The following PCSK6 variants were observed in gnomAD, a reference collection of about 807,000 sequenced individuals.
PCSK6 encodes proprotein convertase subtilisin/kexin type 6, also known as paired basic amino acid cleaving enzyme 4.
In PCSK6, 85 loss-of-function variants were observed where a neutral mutation model predicts 123.3. The ratio of observed to expected loss-of-function variants is 0.69; its 90% CI spans 0.58 to 0.83. The LOEUF (loss-of-function observed/expected upper bound fraction) is 0.83, where lower values mean the gene tolerates loss of function less well. PCSK6 is among the 40% of genes least tolerant of loss of function. The probability of loss-of-function intolerance (pLI) is 0.00; values close to 1 mark genes in which losing one functional copy is unlikely to be tolerated. For missense variants in PCSK6, 1,191 were observed against 1,282.3 expected, an observed-to-expected ratio of 0.93 and a Z score of 1.09; for synonymous variants, 508 against 516.0, an observed-to-expected ratio of 0.98 and a Z score of 0.21.
intron 11 of PCSK6, among the ~76,000 whole-genome samples, chr15:101,374,774 G>A (rs565594143): frequency 2.5e-4 from 38 of 152,288 alleles, no homozygotes; most frequent in South Asian, 1.2e-3. Context: ...ACAGCAGGTC[G>A]GAGGGCACAC....
At chr15:101,393,137 G>T in intron 8 of PCSK6, 75 bp downstream of exon 8, 2 of 1,183,382 alleles carry the variant, frequency 1.7e-6, no homozygotes, top group Non-Finnish European at 2.5e-6. Flanking sequence ...ATCTTTCTGA[G>T]AAAGGGAGAA....
At chr15:101,447,849 G>GC (rs1033071327) in intron 1 of PCSK6, among the ~76,000 whole-genome samples, 18 of 149,954 alleles carry the variant, frequency 1.2e-4, no homozygotes, top group Middle Eastern at 3.4e-3. Flanking sequence ...TGCCTGAGCA[G>GC]CCCGCCTTTA....
chr15:101,362,369 G>C (rs958982340), intron 13 of PCSK6, among the ~76,000 whole-genome samples: 8 of 152,252 alleles, frequency 5.3e-5, no homozygotes, highest in African/African-American at 1.9e-4. Flanking sequence ...GGCTGCTGCA[G>C]AGCAGGTCTG....
chr15:101,357,548 G>A (rs991722176), intron 13 of PCSK6, among the ~76,000 whole-genome samples: 4 of 152,236 alleles, frequency 2.6e-5, no homozygotes, highest in Non-Finnish European at 5.9e-5. Context: ...TGCTGGGGCT[G>A]GTCCTGCCTC....
intron 2 of PCSK6, among the ~76,000 whole-genome samples, chr15:101,436,354 C>A (rs749824171): frequency 6.6e-6 from 1 of 152,216 alleles, no homozygotes; most frequent in Admixed American, 6.5e-5. Flanking sequence ...AAGTACGCAC[C>A]GGCAGGGCTG....
chr15:101,487,182 G>A (rs911957325), intron 1 of PCSK6, among the ~76,000 whole-genome samples: 2 of 152,354 alleles, frequency 1.3e-5, no homozygotes, highest in South Asian at 2.1e-4. Flanking sequence ...TTGGAATAAA[G>A]AGTAATAGGC....
intron 1 of PCSK6, 52 bp downstream of exon 1, chr15:101,489,322 G>T (rs1347302892): frequency 1.8e-6 from 2 of 1,082,460 alleles, no homozygotes; most frequent in Non-Finnish European, 2.2e-6. Context: ...CCCCTCGCGC[G>T]CGCCGGAGGC....
rs1299648075 is a variant in PCSK6 at position 101,389,557 on chromosome 15, G to A, written c.1217C>T (p.Thr406Met). ...ATCGGTACAGCGCTGACGCAGATCC[G>A]TGGTGACCTGGGGGAGAGAGAAGCA... ...GAFYERKIVT[T>M]DLRQRCTDGH... Residue 406 changes from threonine to methionine, a missense_variant, in exon 9 of 22, where the codon ACG becomes ATG. This residue lies in a region of PCSK6 where 357 missense variants were observed against 484.5 expected (regional missense o/e 0.74). Coordinates refer to ENST00000611716, the MANE Select transcript of PCSK6 (RefSeq NM_002570.5). 1.2e-6 allele frequency: 2 copies of A among 1,611,072 alleles called. No homozygotes were observed. The highest frequency in any genetic ancestry group is 1.7e-6 in the Non-Finnish European group (2 of 1,177,786).
chr15:101,353,467 G>A (rs1479934934), intron 13 of PCSK6, among the ~76,000 whole-genome samples: 2 of 152,150 alleles, frequency 1.3e-5, no homozygotes, highest in African/African-American at 4.8e-5. Context: ...GGTGGGATGG[G>A]GACCCCTGCT....
chr15:101,368,788 A>G (rs2041482571), intron 12 of PCSK6, among the ~76,000 whole-genome samples: 1 of 152,232 alleles, frequency 6.6e-6, no homozygotes, highest in African/African-American at 2.4e-5. Flanking sequence ...GGCCCAGTGC[A>G]CGCAGGAACA....
intron 2 of PCSK6, among the ~76,000 whole-genome samples, chr15:101,432,949 T>C (rs1195569030): frequency 2.0e-5 from 3 of 152,234 alleles, no homozygotes; most frequent in African/African-American, 7.2e-5. Flanking sequence ...AAAATAGTAG[T>C]AGCATCAGTT....
At chr15:101,397,618 G>A (rs575965030) in intron 7 of PCSK6, among the ~76,000 whole-genome samples, 48 of 152,140 alleles carry the variant, frequency 3.2e-4, no homozygotes, top group African/African-American at 1.0e-3. Flanking sequence ...GGACCTGTTC[G>A]GCCACCCAGG....
chr15:101,379,148 G>T (rs2041838908), intron 11 of PCSK6, among the ~76,000 whole-genome samples: 1 of 152,254 alleles, frequency 6.6e-6, no homozygotes, highest in African/African-American at 2.4e-5. Flanking sequence ...TGGGTGCACA[G>T]GAGGGACATG....
chr15:101,432,042 T>C lies in PCSK6; in HGVS notation c.461A>G (p.Asp154Gly), dbSNP rs367942535. 7.2e-5 allele frequency: 116 copies of C among 1,613,680 alleles called. No homozygotes were observed. Among genetic ancestry groups the C allele is most frequent in the Non-Finnish European group, 9.7e-5 (114 of 1,179,850 alleles). The change falls in exon 3 of 22, where the codon GAC becomes GGC. Residue 154 changes from aspartate (D) to glycine (G), a missense_variant. Coordinates refer to ENST00000611716, the MANE Select transcript of PCSK6 (RefSeq NM_002570.5). Reference sequence around the variant, plus strand: ...GTCGTTGAAGTAAAGGGCCTGCGGGTCACTTCGCACCTGTCTCTTCACCCT... The same window carrying C: ...GTCGTTGAAGTAAAGGGCCTGCGGGCCACTTCGCACCTGTCTCTTCACCCT... The part of the protein sequence containing the change: ...KRRVKRQVRS[D>G]PQALYFNDPI...
intron 11 of PCSK6, among the ~76,000 whole-genome samples, chr15:101,371,620 T>C (rs1385798385): frequency 6.6e-6 from 1 of 152,198 alleles, no homozygotes; most frequent in Non-Finnish European, 1.5e-5. Context: ...ACCCATTTAA[T>C]CCAGAGGGAA....
At chr15:101,385,218 A>G (rs1212331507) in intron 9 of PCSK6, among the ~76,000 whole-genome samples, 2 of 152,078 alleles carry the variant, frequency 1.3e-5, no homozygotes, top group African/African-American at 2.4e-5. Flanking sequence ...AGGTCTTGCT[A>G]TATTGCCCAG....
At chr15:101,419,978 G>A (rs2056026061) in intron 6 of PCSK6, among the ~76,000 whole-genome samples, 1 of 152,094 alleles carries the variant, frequency 6.6e-6, no homozygotes, top group South Asian at 2.1e-4. Flanking sequence ...CCTGAGGTCA[G>A]GAGTCCGAGA....
At position 101,384,375 on chromosome 15, in the gene PCSK6, C is replaced by T. The variant is rs373918878; in HGVS notation, c.1361G>A (p.Arg454Gln). ...DVQHLLVKTSRPAHLKASDWK... is the reference protein window; with the variant it reads ...DVQHLLVKTSQPAHLKASDWK... ...GTCGCTCGCTTTCAGGTGGGCCGGCCGGGATGTCTTCACTAGCAGGTGCTG... is the reference window on the plus strand; with the variant it reads ...GTCGCTCGCTTTCAGGTGGGCCGGCTGGGATGTCTTCACTAGCAGGTGCTG... The change falls in exon 10 of 22, where the codon CGG becomes CAG. Residue 454 changes from arginine (R) to glutamine (Q), a missense_variant. Arg to Gln is a conservative substitution (Grantham distance 43). Transcript: ENST00000611716. 2.7e-5 allele frequency: 43 copies of T among 1,613,836 alleles called. No individual in the cohort carries two copies. Among genetic ancestry groups the T allele is most frequent in the African/African-American group, 4.0e-5 (3 of 75,020 alleles).
In PCSK6 at chr15:101,482,354, G is replaced by A. The variant is rs7177258; in HGVS notation, c.297+7020C>T. 9.1e-3 allele frequency among the ~76,000 whole-genome samples: 1,381 copies of A among 152,280 alleles called. 17 individuals carry two copies. Among genetic ancestry groups the A allele is most frequent in the African/African-American group, 0.031 (1,305 of 41,566 alleles). On this transcript the variant is annotated intron_variant, in intron 1 of 21. Coordinates refer to ENST00000611716, the MANE Select transcript of PCSK6 (RefSeq NM_002570.5). ...GGGAGCAAGACCAGGGCTTCTGGTC[G>A]GTGGCAAGGCCAAGACCCAGTCCCA...
Sources: gnomAD v4.1 joint callset for allele counts (sites outside exome capture counted in the v4.1 genomes callset) on GRCh38, gnomAD v4.1.1 for gene constraint, gnomAD v4.1.1 regional missense constraint, MANE v1.5 for transcripts, NCBI Gene and HGNC (gene_info 2026-07-23, HGNC 2026-07-21) for gene names.